CSGALNACT1: variants seen among roughly 807,000 people sequenced by gnomAD.
The protein encoded by CSGALNACT1 is chondroitin sulfate N-acetylgalactosaminyltransferase 1, also known as beta4GalNAcT-1.
CSGALNACT1 carries 52 observed loss-of-function variants against 51.0 expected under a neutral mutation model. The observed-to-expected ratio is 1.02, with a 90% CI of 0.82 to 1.29. The LOEUF (loss-of-function observed/expected upper bound fraction) is 1.29, where lower values mean the gene tolerates loss of function less well. CSGALNACT1 is among the 50% of genes most tolerant of loss of function. The pLI is 0.00. For synonymous variants in CSGALNACT1, 341 were observed against 254.4 expected, an observed-to-expected ratio of 1.34 and a Z score of -3.24; for missense variants, 935 against 679.2, an observed-to-expected ratio of 1.38 and a Z score of -4.19.
intron 3 of CSGALNACT1, among the ~76,000 whole-genome samples, chr8:19,586,409 A>G (rs1340944380): frequency 2.1e-5 from 2 of 93,592 alleles, no homozygotes; most frequent in East Asian, 2.8e-4. Context: ...GTCTTATAGA[A>G]AAAAAAAAAA....
intron 3 of CSGALNACT1, among the ~76,000 whole-genome samples, chr8:19,584,373 G>C (rs955950232): frequency 6.6e-6 from 1 of 152,092 alleles, no homozygotes; most frequent in Non-Finnish European, 1.5e-5. Context: ...TTTCACATTA[G>C]AATGTCAAAC....
intron 3 of CSGALNACT1, among the ~76,000 whole-genome samples, chr8:19,544,379 A>C (rs2085988054): frequency 6.6e-6 from 1 of 152,256 alleles, no homozygotes; most frequent in African/African-American, 2.4e-5. Flanking sequence ...ATCAATGAAT[A>C]ACTTTTATTA....
chr8:19,446,729 G>A (rs548857038), intron 5 of CSGALNACT1, among the ~76,000 whole-genome samples: 148 of 152,266 alleles, frequency 9.7e-4, no homozygotes, highest in African/African-American at 3.4e-3. Context: ...GGCCAGGCTG[G>A]TCTCGAACTC....
At chr8:19,625,032 C>T (rs147714706) in intron 1 of CSGALNACT1, among the ~76,000 whole-genome samples, 2 of 152,174 alleles carry the variant, frequency 1.3e-5, no homozygotes, top group Non-Finnish European at 2.9e-5. Context: ...CTAGTAGATG[C>T]AGAGGAACAA....
chr8:19,525,815 C>T (rs2081568820), intron 3 of CSGALNACT1, among the ~76,000 whole-genome samples: 1 of 152,132 alleles, frequency 6.6e-6, no homozygotes, highest in Admixed American at 6.5e-5. Context: ...CTAGAACCAG[C>T]ACCTTGGCAG....
intron 2 of CSGALNACT1, among the ~76,000 whole-genome samples, chr8:19,594,022 G>A (rs935287872): frequency 2.0e-4 from 31 of 152,192 alleles, no homozygotes; most frequent in African/African-American, 7.5e-4. Flanking sequence ...TGAGGGTGCT[G>A]GTGGAATATG....
At chr8:19,566,570 A>T (rs2041950544) in intron 3 of CSGALNACT1, among the ~76,000 whole-genome samples, 1 of 152,214 alleles carries the variant, frequency 6.6e-6, no homozygotes, top group Admixed American at 6.5e-5. Flanking sequence ...TTAGTTACCA[A>T]AAAAGATGTT....
chr8:19,648,243 A>C (rs2057454982), intron 1 of CSGALNACT1, among the ~76,000 whole-genome samples: 1 of 152,204 alleles, frequency 6.6e-6, no homozygotes, highest in Non-Finnish European at 1.5e-5. Context: ...TAGCAACATT[A>C]ATCAAATTTC....
chr8:19,604,595 A>G (rs1394885721), upstream of CSGALNACT1, among the ~76,000 whole-genome samples: 2 of 152,034 alleles, frequency 1.3e-5, no homozygotes, highest in African/African-American at 4.8e-5. Context: ...CTTAGCCTTC[A>G]TGTATGATTC....
chr8:19,447,362 G>T (rs1177898623), intron 5 of CSGALNACT1, among the ~76,000 whole-genome samples: 1 of 152,158 alleles, frequency 6.6e-6, no homozygotes, highest in African/African-American at 2.4e-5. Context: ...AATAGGCTGT[G>T]GGGAAGGACT....
chr8:19,458,885 G>C (rs2064730971), intron 4 of CSGALNACT1, among the ~76,000 whole-genome samples: 2 of 152,116 alleles, frequency 1.3e-5, no homozygotes, highest in South Asian at 4.1e-4. Context: ...TGAAATGCTG[G>C]ATACAAACTG....
At chr8:19,412,307 C>G (rs1005664586) in intron 8 of CSGALNACT1, among the ~76,000 whole-genome samples, 2 of 152,190 alleles carry the variant, frequency 1.3e-5, no homozygotes, top group African/African-American at 2.4e-5. Context: ...AGCCACAGCT[C>G]TGTGGACGAT....
intron 6 of CSGALNACT1, among the ~76,000 whole-genome samples, 167 bp downstream of exon 5, chr8:19,439,663 T>C (rs1156867696): frequency 1.3e-5 from 2 of 152,214 alleles, no homozygotes; most frequent in African/African-American, 4.8e-5. Flanking sequence ...GGTAGTCTCC[T>C]GCGGAAGAGG....
intron 1 of CSGALNACT1, among the ~76,000 whole-genome samples, chr8:19,641,554 A>G (rs1451567954): frequency 6.6e-6 from 1 of 152,214 alleles, no homozygotes; most frequent in Non-Finnish European, 1.5e-5. Context: ...GATCTTTCAA[A>G]AAGAAGTACA....
intron 5 of CSGALNACT1, among the ~76,000 whole-genome samples, chr8:19,454,175 C>G (rs552024024): frequency 2.2e-4 from 34 of 152,278 alleles, no homozygotes; most frequent in South Asian, 6.2e-4. Context: ...ACGATGACAA[C>G]AAGTATATAC....
In CSGALNACT1 at chr8:19,509,251, G is replaced by C. The variant is rs564214679; in HGVS notation, c.-296-3121C>G. On this transcript the variant is annotated intron_variant, in intron 3 of 9. Coordinates refer to ENST00000454498, the Ensembl canonical transcript of CSGALNACT1. ...GTATCTGCTTCCTGAAGTCAGAAGA[G>C]GCTTTTACCCTTCGGATTCTTGCTT... is the stretch of plus-strand genomic sequence containing the variant. Among the ~76,000 whole-genome samples, 4 of 152,284 alleles carry C rather than the reference G, an allele frequency of 2.6e-5. No homozygotes were observed. In the South Asian group the frequency reaches 8.3e-4, roughly 32 times the overall value.
intron 4 of CSGALNACT1, among the ~76,000 whole-genome samples, chr8:19,499,944 C>T (rs1484139621): frequency 1.3e-5 from 2 of 152,190 alleles, no homozygotes; most frequent in Non-Finnish European, 2.9e-5. Context: ...CTCACCATCA[C>T]CACAAGGAGG....
chr8:19,415,531 G>A, intron 8 of CSGALNACT1, among the ~76,000 whole-genome samples: 1 of 152,204 alleles, frequency 6.6e-6, no homozygotes, highest in East Asian at 1.9e-4. Flanking sequence ...AGTGGTTTCT[G>A]CTTTCACCAC....
intron 4 of CSGALNACT1, among the ~76,000 whole-genome samples, chr8:19,504,368 A>C (rs559078209): frequency 1.3e-5 from 2 of 152,308 alleles, no homozygotes; most frequent in South Asian, 4.1e-4. Flanking sequence ...GAGCCACTGC[A>C]CCCGGCCAGA....
Sources: gnomAD v4.1 joint callset for allele counts (sites outside exome capture counted in the v4.1 genomes callset) on GRCh38, gnomAD v4.1.1 for gene constraint, MANE v1.5 for transcripts, NCBI Gene and HGNC (gene_info 2026-07-23, HGNC 2026-07-21) for gene names.